Variants in SMOC2 observed in about 807,000 individuals in gnomAD.
SMOC2 encodes SPARC-related modular calcium-binding protein 2.
In SMOC2, 39 loss-of-function variants were observed where a neutral mutation model predicts 61.4. The observed-to-expected ratio is 0.64, with a 90% CI of 0.49 to 0.83. The LOEUF (loss-of-function observed/expected upper bound fraction) is 0.83, where lower values mean the gene tolerates loss of function less well. Ranked by LOEUF, SMOC2 falls within the 40% of genes least tolerant of loss-of-function variation. The pLI, the probability that SMOC2 is intolerant of heterozygous loss-of-function variation, is 0.00. For missense variants in SMOC2, 556 were observed against 592.9 expected (o/e 0.94, Z 0.65); for synonymous variants, 247 against 239.9 (o/e 1.03, Z -0.27).
At chr6:168,568,721 T>C (rs566172456) in intron 7 of SMOC2, among the ~76,000 whole-genome samples, 1 of 152,298 alleles carries the variant, frequency 6.6e-6, no homozygotes, top group East Asian at 1.9e-4. Context: ...CACTGATCTT[T>C]TTACTATCTC....
intron 2 of SMOC2, among the ~76,000 whole-genome samples, chr6:168,516,426 T>C (rs9689255): frequency 0.025 from 3,703 of 150,654 alleles, 110 homozygotes; most frequent in African/African-American, 0.068. Flanking sequence ...TATTTTGAGA[T>C]TTCTGGAAAC....
At chr6:168,525,018 C>T (rs1011251784) in intron 2 of SMOC2, among the ~76,000 whole-genome samples, 6 of 152,236 alleles carry the variant, frequency 3.9e-5, no homozygotes, top group African/African-American at 1.4e-4. Flanking sequence ...CATCTGAAGA[C>T]GGAAGTGAAC....
chr6:168,637,729 C>A (rs970453352), intron 9 of SMOC2, among the ~76,000 whole-genome samples: 2 of 152,222 alleles, frequency 1.3e-5, no homozygotes, highest in African/African-American at 4.8e-5. Context: ...CATTTAAAAA[C>A]TGCTTCTTCC....
At chr6:168,511,017 G>C (rs2749260) in intron 2 of SMOC2, among the ~76,000 whole-genome samples, 75,515 of 152,108 alleles carry the variant, frequency 0.5, 22,129 homozygotes, top group Non-Finnish European at 0.67. Flanking sequence ...AGCAGATGTA[G>C]AAACCTGTTG....
At chr6:168,457,069 C>G (rs1208274144) in intron 1 of SMOC2, among the ~76,000 whole-genome samples, 4 of 152,226 alleles carry the variant, frequency 2.6e-5, no homozygotes, top group Admixed American at 2.6e-4. Flanking sequence ...TGTGCACAAC[C>G]TGGGAGAGAT....
At chr6:168,624,760 CACAT>C (rs1786350381) in intron 9 of SMOC2, among the ~76,000 whole-genome samples, 1 of 151,672 alleles carries the variant, frequency 6.6e-6, no homozygotes, top group African/African-American at 2.4e-5. Flanking sequence ...CACTCACAGA[CACAT>C]GCACACAGAC....
intron 1 of SMOC2, among the ~76,000 whole-genome samples, chr6:168,446,326 G>A (rs529364786): frequency 2.6e-5 from 4 of 152,332 alleles, no homozygotes. Context: ...TCCTGCCATT[G>A]TACTCCAGCC....
At chr6:168,615,949 T>C (rs1200565076) in intron 9 of SMOC2, among the ~76,000 whole-genome samples, 5 of 152,250 alleles carry the variant, frequency 3.3e-5, no homozygotes, top group Admixed American at 6.5e-5. Context: ...TACCTTGCCC[T>C]AAGTGGAGCT....
rs144210672 is a variant in SMOC2, at chr6:168,554,016, C to T, written c.637+4813C>T. On this transcript the variant is annotated intron_variant, in intron 7 of 12. Transcript: ENST00000356284. ...TCCATGGGACGAGTCGGTTAAAACT[C>T]GCGTTTGAACTGCATGTGCACGGTG... is the stretch of plus-strand genomic sequence containing the variant. Among the ~76,000 whole-genome samples, 7 of 148,068 alleles carry T rather than the reference C, an allele frequency of 4.7e-5. 1 individual carries two copies. The highest frequency in any genetic ancestry group is 2.1e-4 in the South Asian group (1 of 4,704).
At position 168,464,931 on chromosome 6, in the gene SMOC2, G is replaced by A. The variant is rs1377179989; in HGVS notation, c.84+23477G>A. On this transcript the variant is annotated intron_variant, in intron 1 of 12. Transcript: ENST00000356284. ...CACAGTGCCTGGGCCTTCCAGGGGT[G>A]GCTCCAGGTGGGTGGAAGCACCAGT... 4.6e-5 allele frequency among the ~76,000 whole-genome samples: 7 copies of A among 152,328 alleles called. 1 individual carries two copies. Among genetic ancestry groups the A allele is most frequent in the African/African-American group, 1.7e-4 (7 of 41,588 alleles).
At chr6:168,650,109 C>T (rs903270586) in intron 9 of SMOC2, among the ~76,000 whole-genome samples, 1 of 152,170 alleles carries the variant, frequency 6.6e-6, no homozygotes, top group East Asian at 1.9e-4. Context: ...ACACAGTCCG[C>T]GCTGGGCTCC....
chr6:168,448,184 C>CTT (rs768771648), intron 1 of SMOC2, among the ~76,000 whole-genome samples: 17 of 152,154 alleles, frequency 1.1e-4, no homozygotes, highest in Non-Finnish European at 2.1e-4. Flanking sequence ...CAAAATCCTC[C>CTT]CACAGAAGAG....
intron 9 of SMOC2, among the ~76,000 whole-genome samples, chr6:168,648,778 G>A (rs951415084): frequency 6.6e-6 from 1 of 152,320 alleles, no homozygotes; most frequent in African/African-American, 2.4e-5. Flanking sequence ...TAATGAAGTG[G>A]AAGCCAGCAT....
In SMOC2 at chr6:168,518,999, ATG is replaced by A. The variant is rs141063969; in HGVS notation, c.257-7342_257-7341del. Among the ~76,000 whole-genome samples the A allele has an allele frequency of 3.3e-3, 490 of 146,664 alleles. 6 individuals are homozygous for A. In the East Asian group the frequency reaches 0.034, roughly 10 times the overall value. On this transcript the variant is annotated intron_variant, in intron 2 of 12. Coordinates refer to ENST00000356284, the MANE Select transcript of SMOC2 (RefSeq NM_001166412.2). ...TGTATGCATGCGTGTGTATGCGTGC[ATG>A]TGTGAGTATGCGTGCATGCGAACAT...
Position 168,447,507 on chromosome 6 carries a change from G to T in SMOC2, c.84+6053G>T, listed in dbSNP as rs1366865940. ...ACTCCTTCCTTCTGCTAAAGTGTGGGTGCCCTGGGCCCTGCCCTAGAGCCA... is the reference window on the plus strand; with the variant it reads ...ACTCCTTCCTTCTGCTAAAGTGTGGTTGCCCTGGGCCCTGCCCTAGAGCCA... On this transcript the variant is annotated intron_variant, in intron 1 of 12. Coordinates refer to ENST00000356284, the MANE Select transcript of SMOC2 (RefSeq NM_001166412.2). 2.6e-5 allele frequency among the ~76,000 whole-genome samples: 4 copies of T among 152,078 alleles called. No individual in the cohort carries two copies. In the East Asian group the frequency reaches 7.7e-4, roughly 29 times the overall value.
rs1388190618 is a variant in SMOC2, at chr6:168,653,103, A to G, written c.1160A>G (p.Lys387Arg). The G allele has an allele frequency of 6.2e-7, 1 of 1,614,190 alleles. No individual in the cohort carries two copies. Among genetic ancestry groups the G allele is most frequent in the Non-Finnish European group, 8.5e-7 (1 of 1,180,042 alleles). ...CTTCGCAAAAAATCAAAGCCCAAAA[A>G]ATGTGTGAAGAAGTTTGTTGAATAC... The part of the protein sequence containing the change: ...RFLRKKSKPK[K>R]CVKKFVEYCD... Residue 387 changes from lysine (K) to arginine (R), a missense_variant, in exon 11 of 13, where the codon AAA becomes AGA. Transcript: ENST00000356284.
intron 9 of SMOC2, among the ~76,000 whole-genome samples, chr6:168,620,063 AAC>A (rs963321992): frequency 3.9e-5 from 6 of 152,188 alleles, no homozygotes; most frequent in Non-Finnish European, 7.3e-5. Flanking sequence ...TCAGGCATGA[AAC>A]ACACAGCCCT....
intron 11 of SMOC2, among the ~76,000 whole-genome samples, chr6:168,653,664 CAACCAAAT>C (rs1238230034): frequency 3.8e-5 from 5 of 132,262 alleles, no homozygotes; most frequent in African/African-American, 1.6e-4. Flanking sequence ...ACCTGAGCTC[CAACCAAAT>C]GTTAGGAACT....
chr6:168,540,838 A>G (rs1187171178), intron 4 of SMOC2, among the ~76,000 whole-genome samples: 2 of 151,874 alleles, frequency 1.3e-5, no homozygotes, highest in Admixed American at 1.3e-4. Flanking sequence ...GGTGAGCCGC[A>G]GGCTTGTTTA....
Sources: allele counts gnomAD v4.1 joint callset (sites outside exome capture counted in the v4.1 genomes callset), GRCh38; gene constraint gnomAD v4.1.1; transcripts MANE v1.5; gene names NCBI Gene and HGNC (gene_info 2026-07-23, HGNC 2026-07-21).